RPH3A: variants seen among roughly 807,000 people sequenced by gnomAD.
The protein encoded by RPH3A is rabphilin-3A.
Under a neutral mutation model 102.2 loss-of-function variants are expected in RPH3A, and 48 were observed. That is an observed-to-expected ratio of 0.47 (90% confidence interval 0.37 to 0.60). RPH3A has a LOEUF of 0.60. RPH3A is among the 20% of genes least tolerant of loss of function. The pLI is 0.00. For synonymous variants in RPH3A, 310 were observed against 324.3 expected (o/e 0.96, Z 0.47); for missense variants, 781 against 910.1 (o/e 0.86, Z 1.83).
At chr12:112,705,742 G>T (rs2040423243) in intron 1 of RPH3A, among the ~76,000 whole-genome samples, 1 of 151,920 alleles carries the variant, frequency 6.6e-6, no homozygotes, top group Non-Finnish European at 1.5e-5. Flanking sequence ...TTTTTTAATT[G>T]AAATTGAGAT....
At chr12:112,857,535 A>T (rs1430511501) in intron 5 of RPH3A, among the ~76,000 whole-genome samples, 3 of 152,178 alleles carry the variant, frequency 2.0e-5, no homozygotes, top group African/African-American at 7.2e-5. Context: ...GGAAGGGGCC[A>T]TGAGCCAAAG....
At chr12:112,894,375 A>G (rs2043146417) in intron 19 of RPH3A, 1 of 598,478 alleles carries the variant, frequency 1.7e-6, no homozygotes, top group Middle Eastern at 4.1e-4. Context: ...GCCTAGGGTC[A>G]TGTGGGGATT....
chr12:112,746,536 T>G lies in RPH3A; in HGVS notation c.-139-45607T>G, dbSNP rs536041461. Among the ~76,000 whole-genome samples the G allele has an allele frequency of 4.6e-5, 7 of 152,226 alleles. No homozygotes were observed. The South Asian group carries it at 1.2e-3, about 27-fold the overall frequency. ...AGGCTGCTCTCAGGCTAATTAACGA[T>G]GCCCTTCTTTTATAGGAAAAATTGC... is the stretch of plus-strand genomic sequence containing the variant. On this transcript the variant is annotated intron_variant, in intron 1 of 21. Transcript: ENST00000543106.
At chr12:112,602,361 G>A (rs61449330) in intron 1 of RPH3A, among the ~76,000 whole-genome samples, 2,182 of 152,140 alleles carry the variant, frequency 0.014, 55 homozygotes, top group African/African-American at 0.049. Context: ...CTTGCTGGCC[G>A]CCAGGATCTC....
chr12:112,719,093 T>C (rs2040533369), intron 1 of RPH3A, among the ~76,000 whole-genome samples: 1 of 152,200 alleles, frequency 6.6e-6, no homozygotes, highest in African/African-American at 2.4e-5. Flanking sequence ...TACTGGCATA[T>C]GGTGGGTAGA....
At chr12:112,599,067 G>T (rs1184107849) in intron 1 of RPH3A, among the ~76,000 whole-genome samples, 1 of 152,160 alleles carries the variant, frequency 6.6e-6, no homozygotes, top group African/African-American at 2.4e-5. Flanking sequence ...TTGTCTGCTA[G>T]GCATTCTGCT....
chr12:112,596,354 T>A (rs2039515777), intron 1 of RPH3A, among the ~76,000 whole-genome samples: 1 of 149,790 alleles, frequency 6.7e-6, no homozygotes, highest in South Asian at 2.1e-4. Flanking sequence ...GTTGCCTAGG[T>A]CATATGGTCT....
chr12:112,599,970 G>A (rs1057483415), intron 1 of RPH3A, among the ~76,000 whole-genome samples: 11 of 152,186 alleles, frequency 7.2e-5, no homozygotes, highest in African/African-American at 2.7e-4. Context: ...GATGATAACA[G>A]TGTCTGCCTC....
intron 1 of RPH3A, among the ~76,000 whole-genome samples, chr12:112,604,393 C>T (rs926973854): frequency 6.6e-6 from 1 of 152,156 alleles, no homozygotes; most frequent in Non-Finnish European, 1.5e-5. Flanking sequence ...CTGAGAGTTA[C>T]ACTCTCAGGT....
intron 2 of RPH3A, among the ~76,000 whole-genome samples, chr12:112,803,043 C>T (rs1443519730): frequency 6.6e-6 from 1 of 152,154 alleles, no homozygotes; most frequent in East Asian, 1.9e-4. Flanking sequence ...TGAGAAGACT[C>T]TAGATCTGAA....
intron 1 of RPH3A, among the ~76,000 whole-genome samples, chr12:112,629,465 A>ATTT (rs11294395): frequency 1.3e-4 from 11 of 84,020 alleles, no homozygotes; most frequent in Non-Finnish European, 1.8e-4. Context: ...TGCACTTTGC[A>ATTT]TTTTTTTTTT....
At chr12:112,752,968 C>CTTTTTT (rs3037266) in intron 1 of RPH3A, among the ~76,000 whole-genome samples, 32 of 118,862 alleles carry the variant, frequency 2.7e-4, no homozygotes, top group Non-Finnish European at 3.8e-4. Flanking sequence ...GTCCAGTTTT[C>CTTTTTT]TTTTTTTTTT....
At position 112,606,561 on chromosome 12, in the gene RPH3A, A is replaced by C. The variant is rs530159776; in HGVS notation, c.-140+31242A>C. Reference sequence around the variant, plus strand: ...ATGGCTGGCTAATTTTTGGATTTTTAGTGGAGATGGGATTTCACCATGTTG... The same window carrying C: ...ATGGCTGGCTAATTTTTGGATTTTTCGTGGAGATGGGATTTCACCATGTTG... On this transcript the variant is annotated intron_variant, in intron 1 of 21. Coordinates refer to the RPH3A transcript ENST00000543106. Among the ~76,000 whole-genome samples the C allele has an allele frequency of 2.0e-5, 3 of 152,064 alleles. No homozygotes were observed. The East Asian group carries it at 5.8e-4, about 29-fold the overall frequency.
At position 112,642,177 on chromosome 12, in the gene RPH3A, C is replaced by T. The variant is rs373357542; in HGVS notation, c.-140+66858C>T. The stretch of plus-strand genomic sequence containing the variant: ...TTTAAAATCCCTGCATATGTAATTC[C>T]GGCAACTACCATTTATTTCATGCCT... On this transcript the variant is annotated intron_variant, in intron 1 of 21. Coordinates refer to the RPH3A transcript ENST00000543106. Among the ~76,000 whole-genome samples the T allele has an allele frequency of 3.2e-4, 48 of 152,236 alleles. 1 individual carries two copies. The East Asian group carries it at 3.5e-3, about 11-fold the overall frequency.
intron 2 of RPH3A, among the ~76,000 whole-genome samples, chr12:112,805,508 G>A (rs1193450660): frequency 6.6e-6 from 1 of 152,178 alleles, no homozygotes; most frequent in Non-Finnish European, 1.5e-5. Flanking sequence ...TTTCTCCAGT[G>A]AGGGGACTCT....
chr12:112,870,172 G>T (rs2042683982), intron 10 of RPH3A, 133 bp downstream of exon 10: 1 of 878,884 alleles, frequency 1.1e-6, no homozygotes, highest in African/African-American at 1.7e-5. Flanking sequence ...TTCTATTCCA[G>T]ATACTGGTTT....
chr12:112,867,123 TTC>T (rs1423584693), intron 7 of RPH3A, among the ~76,000 whole-genome samples: 2 of 152,016 alleles, frequency 1.3e-5, no homozygotes, highest in Non-Finnish European at 2.9e-5. Context: ...CATCTTTCCT[TTC>T]TCTCTCTCTA....
At chr12:112,680,731 A>G (rs1010243885) in intron 1 of RPH3A, among the ~76,000 whole-genome samples, 15 of 152,142 alleles carry the variant, frequency 9.9e-5, no homozygotes, top group Non-Finnish European at 5.9e-5. Context: ...CAGACTCAGG[A>G]CATGCATAGC....
chr12:112,620,497 C>T (rs903832660), intron 1 of RPH3A, among the ~76,000 whole-genome samples: 14 of 152,168 alleles, frequency 9.2e-5, no homozygotes, highest in African/African-American at 3.4e-4. Context: ...CATCCTTCTC[C>T]ACCTACATTT....
Sources: gnomAD v4.1 joint callset for allele counts (sites outside exome capture counted in the v4.1 genomes callset) on GRCh38, gnomAD v4.1.1 for gene constraint, MANE v1.5 for transcripts, NCBI Gene and HGNC (gene_info 2026-07-23, HGNC 2026-07-21) for gene names.